Variants in NPFFR2 observed in about 807,000 individuals in gnomAD.
NPFFR2 encodes the protein neuropeptide FF receptor 2.
Under a neutral mutation model 13.1 loss-of-function variants are expected in NPFFR2, and 15 were observed. That is an observed-to-expected ratio of 1.15 (90% CI 0.77 to 1.76). The LOEUF is 1.76. Among genes scored for constraint, NPFFR2 ranks in the 40% most tolerant of loss-of-function variants. The probability of loss-of-function intolerance (pLI) is 0.00; values close to 1 mark genes in which losing one functional copy is unlikely to be tolerated. For synonymous variants in NPFFR2, 190 were observed against 175.7 expected, an observed-to-expected ratio of 1.08 and a Z score of -0.65; for missense variants, 572 against 503.5, an observed-to-expected ratio of 1.14 and a Z score of -1.30.
intron 3 of NPFFR2, among the ~76,000 whole-genome samples, chr4:72,139,376 T>G (rs150054813): frequency 0.22 from 33,575 of 151,972 alleles, 8,397 homozygotes; most frequent in African/African-American, 0.58. Flanking sequence ...TTCTTCTAGG[T>G]TTTTTATGGT....
At chr4:72,132,042 A>G (rs1722260316) in intron 2 of NPFFR2, among the ~76,000 whole-genome samples, 1 of 151,870 alleles carries the variant, frequency 6.6e-6, no homozygotes, top group South Asian at 2.1e-4. Flanking sequence ...GGGTACATGT[A>G]CAAGTTTATT....
rs768794989 is a variant in NPFFR2, at chr4:72,032,027, A to G, written c.-181A>G. ...TCAGCGTCCAGCAGCGCGGCGGGCC[A>G]GCCTGGAGCGGAAGCCTGGAGTGGA... On this transcript the variant is annotated 5_prime_UTR_variant, in exon 1 of 4. Coordinates refer to ENST00000308744, the MANE Select transcript of NPFFR2 (RefSeq NM_004885.3). 3 of 1,613,902 alleles carry G rather than the reference A, an allele frequency of 1.9e-6. No individual in the cohort carries two copies. Among genetic ancestry groups the G allele is most frequent in the Non-Finnish European group, 2.5e-6 (3 of 1,179,952 alleles).
intron 2 of NPFFR2, among the ~76,000 whole-genome samples, chr4:72,131,596 T>TA (rs900522405): frequency 4.6e-5 from 7 of 151,376 alleles, no homozygotes; most frequent in African/African-American, 7.3e-5. Flanking sequence ...TAAAGTGTAA[T>TA]AAAAAAAAAT....
In NPFFR2 at chr4:72,048,365, A is replaced by G. The variant is rs1231897933; in HGVS notation, c.-8+16165A>G. Reference sequence around the variant, plus strand: ...TTTTGGTTTTTGGTTTATATTTTCTATGTTTTCCAATGATCATGCACTATT... The same window carrying G: ...TTTTGGTTTTTGGTTTATATTTTCTGTGTTTTCCAATGATCATGCACTATT... On this transcript the variant is annotated intron_variant, in intron 1 of 3. Transcript: ENST00000308744. Among the ~76,000 whole-genome samples, 5 of 152,226 alleles carry G rather than the reference A, an allele frequency of 3.3e-5. No homozygotes were observed. The East Asian group carries it at 7.7e-4, about 24-fold the overall frequency.
Position 72,057,778 on chromosome 4 carries a change from C to T in NPFFR2, c.-8+25578C>T, listed in dbSNP as rs570313469. 4.0e-4 allele frequency among the ~76,000 whole-genome samples: 61 copies of T among 152,100 alleles called. 1 individual carries two copies. In the South Asian group the frequency reaches 0.013, roughly 32 times the overall value. On this transcript the variant is annotated intron_variant, in intron 1 of 3. Transcript: ENST00000308744. ...TTAAGTGCCAAGGGAAAAGTAGATA[C>T]TCCATAATGGAGAGACCTGGCAAAT... is the stretch of plus-strand genomic sequence containing the variant.
At chr4:72,081,170 C>G (rs1560405213) in intron 1 of NPFFR2, among the ~76,000 whole-genome samples, 1 of 152,150 alleles carries the variant, frequency 6.6e-6, no homozygotes, top group Non-Finnish European at 1.5e-5. Context: ...CAGGAACGGG[C>G]AAAGTATCTA....
intron 2 of NPFFR2, among the ~76,000 whole-genome samples, chr4:72,134,485 A>G (rs185922087): frequency 6.7e-6 from 1 of 150,004 alleles, no homozygotes; most frequent in South Asian, 2.1e-4. Context: ...ACCTTCTCAC[A>G]TTCTCCTGGT....
chr4:72,135,730 T>A (rs1237548169), intron 2 of NPFFR2, among the ~76,000 whole-genome samples: 1 of 152,070 alleles, frequency 6.6e-6, no homozygotes, highest in East Asian at 1.9e-4. Context: ...TTTTTCTTCC[T>A]ATGTGTGTTA....
In NPFFR2 at chr4:72,071,324, G is replaced by C. The variant is rs75387749; in HGVS notation, c.-8+39124G>C. On this transcript the variant is annotated intron_variant, in intron 1 of 3. Transcript: ENST00000308744. ...TTAATTACTAAGGTCAGAGGTACAG[G>C]CAAGATTTGACACTTTATTGATTTT... 5.0e-3 allele frequency among the ~76,000 whole-genome samples: 758 copies of C among 152,182 alleles called. 9 individuals are homozygous for C. The highest frequency in any genetic ancestry group is 0.017 in the African/African-American group (721 of 41,518).
At chr4:72,049,909 C>G (rs1208283560) in intron 1 of NPFFR2, among the ~76,000 whole-genome samples, 1 of 151,912 alleles carries the variant, frequency 6.6e-6, no homozygotes, top group East Asian at 1.9e-4. Flanking sequence ...ATAACAAGCC[C>G]CATTCAACTA....
rs1234277218 is a variant in NPFFR2, at chr4:72,073,863, ATAAC to A, written c.-8+41667_-8+41670del. Among the ~76,000 whole-genome samples the A allele has an allele frequency of 5.3e-5, 8 of 152,128 alleles. No homozygotes were observed. The South Asian group carries it at 1.7e-3, about 32-fold the overall frequency. On this transcript the variant is annotated intron_variant, in intron 1 of 3. Transcript: ENST00000308744. ...TAATCCCCATGGTAACTACAGAAAA[ATAAC>A]TAAAGAGTATACTCTAAAGGAAATG...
intron 1 of NPFFR2, among the ~76,000 whole-genome samples, chr4:72,060,323 ATTC>A (rs1397580824): frequency 1.3e-5 from 2 of 152,204 alleles, no homozygotes; most frequent in East Asian, 3.9e-4. Flanking sequence ...TCTGTCCAGG[ATTC>A]CATAATAGCT....
At chr4:72,073,065 A>G (rs1309350846) in intron 1 of NPFFR2, among the ~76,000 whole-genome samples, 1 of 152,082 alleles carries the variant, frequency 6.6e-6, no homozygotes, top group Non-Finnish European at 1.5e-5. Context: ...TGCCATCTAC[A>G]AGAGACTCAT....
chr4:72,146,240 A>G (rs1346630306), intron 3 of NPFFR2, among the ~76,000 whole-genome samples: 1 of 152,196 alleles, frequency 6.6e-6, no homozygotes, highest in Non-Finnish European at 1.5e-5. Context: ...TCTGGGAGCT[A>G]AACTGGGGCT....
intron 2 of NPFFR2, among the ~76,000 whole-genome samples, chr4:72,131,821 A>T (rs973865443): frequency 6.6e-6 from 1 of 152,146 alleles, no homozygotes; most frequent in African/African-American, 2.4e-5. Context: ...TAAACAAATG[A>T]TGGAAGGATT....
chr4:72,069,688 A>G (rs1377667047), intron 1 of NPFFR2, among the ~76,000 whole-genome samples: 1 of 152,118 alleles, frequency 6.6e-6, no homozygotes, highest in Non-Finnish European at 1.5e-5. Flanking sequence ...TAATGTACAG[A>G]ATATTTCTGC....
chr4:72,048,185 A>G (rs1578421006), intron 1 of NPFFR2, among the ~76,000 whole-genome samples: 1 of 152,244 alleles, frequency 6.6e-6, no homozygotes, highest in Middle Eastern at 3.4e-3. Flanking sequence ...GCAAGATTCA[A>G]TGGGGAGCAA....
At chr4:72,087,555 T>C (rs553990707) in intron 1 of NPFFR2, among the ~76,000 whole-genome samples, 1 of 32,590 alleles carries the variant, frequency 3.1e-5, no homozygotes, top group African/African-American at 4.7e-5. Context: ...TGGTCTTGTG[T>C]AGGTAATCTT....
chr4:72,069,063 ATAATACCAACAC>A (rs1720165924), intron 1 of NPFFR2: 2 of 688,388 alleles, frequency 2.9e-6, no homozygotes, highest in African/African-American at 1.9e-5. Flanking sequence ...TGAAAAAGAG[ATAATACCAACAC>A]TACTTAAGCT....
Sources: allele counts gnomAD v4.1 joint callset (sites outside exome capture counted in the v4.1 genomes callset), GRCh38; gene constraint gnomAD v4.1.1; transcripts MANE v1.5; gene names NCBI Gene and HGNC (gene_info 2026-07-23, HGNC 2026-07-21).